PRKDC: variants seen among roughly 807,000 people sequenced by gnomAD.
The protein encoded by PRKDC is protein kinase, DNA-activated, catalytic subunit.
PRKDC carries 82 observed loss-of-function variants against 486.9 expected under a neutral mutation model. The observed-to-expected ratio is 0.17, with a 90% CI of 0.14 to 0.20. PRKDC has a LOEUF of 0.20. Among genes scored for constraint, PRKDC ranks in the 10% least tolerant of loss-of-function variants. PRKDC has a pLI of 1.00. For missense variants in PRKDC, 4,504 were observed against 5,038.2 expected (o/e 0.89, Z 3.21); for synonymous variants, 1,895 against 1,837.0 (o/e 1.03, Z -0.81).
In PRKDC at chr8:47,887,552, C is replaced by G. The variant is rs755644149; in HGVS notation, c.4567G>C (p.Gly1523Arg). 1 of 1,577,814 alleles carries G rather than the reference C, an allele frequency of 6.3e-7. No individual in the cohort carries two copies. The highest frequency in any genetic ancestry group is 1.9e-5 in the Admixed American group (1 of 53,608). The change falls in exon 35 of 86, where the codon GGA becomes CGA. Residue 1523 changes from glycine to arginine, a missense_variant. Transcript: ENST00000314191. ...GLLELAFAFG[G>R]LCERLVSLLL... ...TGCAGAGGCGTTTTTCCTACCAGTCCTCCAAAAGCAAAGGCTAACTCCAGA... is the reference window on the plus strand; with the variant it reads ...TGCAGAGGCGTTTTTCCTACCAGTCGTCCAAAAGCAAAGGCTAACTCCAGA...
At chr8:47,945,638 A>T (rs576660399) in intron 7 of PRKDC, among the ~76,000 whole-genome samples, 8 of 152,188 alleles carry the variant, frequency 5.3e-5, no homozygotes, top group African/African-American at 1.9e-4. Context: ...TATTTTGCTT[A>T]TCCATTCATC....
rs1468566913 is a variant in PRKDC, at chr8:47,863,560, A to G, written c.5589T>C (p.Phe1863=). Residue 1863 remains phenylalanine (F), a synonymous_variant, in exon 42 of 86, where the codon TTT becomes TTC. Coordinates refer to ENST00000314191, the MANE Select transcript of PRKDC (RefSeq NM_006904.7). Reference sequence around the variant, plus strand: ...CCATCTTCTTGGTGATTTGAGTATCAAAGGTAGATTCATTTAGCTTCAAAA... The same window carrying G: ...CCATCTTCTTGGTGATTTGAGTATCGAAGGTAGATTCATTTAGCTTCAAAA... ...SRFTKLNEST[F]DTQITKKMGY... 18 of 1,611,280 alleles carry G rather than the reference A, an allele frequency of 1.1e-5. No individual in the cohort carries two copies. The highest frequency in any genetic ancestry group is 1.7e-5 in the Admixed American group (1 of 59,784).
intron 85 of PRKDC, among the ~76,000 whole-genome samples, chr8:47,776,567 C>CT (rs1199479770): frequency 6.6e-6 from 1 of 152,208 alleles, no homozygotes; most frequent in East Asian, 1.9e-4. Flanking sequence ...TGGCAACTGT[C>CT]TAAGAGTGCA....
intron 54 of PRKDC, among the ~76,000 whole-genome samples, chr8:47,842,634 T>C (rs1218532345): frequency 6.6e-6 from 1 of 152,096 alleles, no homozygotes; most frequent in Non-Finnish European, 1.5e-5. Flanking sequence ...ACACCAGCCC[T>C]CTCAGATGAG....
intron 25 of PRKDC, among the ~76,000 whole-genome samples, chr8:47,908,713 G>C (rs1202003469): frequency 6.6e-6 from 1 of 152,102 alleles, no homozygotes; most frequent in South Asian, 2.1e-4. Context: ...AGGTGAAAGG[G>C]GTGACGTGAA....
chr8:47,931,362 T>C (rs2090248541), intron 16 of PRKDC, among the ~76,000 whole-genome samples: 2 of 151,998 alleles, frequency 1.3e-5, no homozygotes, highest in African/African-American at 2.4e-5. Context: ...CAGGTGGTCA[T>C]TGATCTGTTG....
At chr8:47,883,306 A>T (rs2089261885) in intron 36 of PRKDC, among the ~76,000 whole-genome samples, 1 of 152,174 alleles carries the variant, frequency 6.6e-6, no homozygotes, top group Non-Finnish European at 1.5e-5. Context: ...ATCCTTTCAC[A>T]CATAACTGCT....
chr8:47,952,285 C>CA (rs973943615), intron 7 of PRKDC, among the ~76,000 whole-genome samples: 4 of 149,872 alleles, frequency 2.7e-5, no homozygotes, highest in African/African-American at 4.9e-5. Context: ...ATTCAGCCTT[C>CA]AAAAAAAAAG....
chr8:47,821,912 G>A (rs2087606783), intron 64 of PRKDC, 120 bp from the exon 65 acceptor site: 2 of 969,040 alleles, frequency 2.1e-6, no homozygotes, highest in Admixed American at 6.8e-5. Flanking sequence ...TTTACGGAAA[G>A]GAGAGAGAAA....
chr8:47,902,911 T>A, intron 26 of PRKDC, 116 bp from the exon 27 acceptor site: 3 of 676,396 alleles, frequency 4.4e-6, no homozygotes, highest in Non-Finnish European at 6.6e-6. Context: ...TTTATAGCAC[T>A]AGTCAAGAAA....
intron 76 of PRKDC, 94 bp from the exon 77 acceptor site, chr8:47,785,411 A>G (rs1194500025): frequency 5.1e-6 from 5 of 972,978 alleles, no homozygotes; most frequent in Non-Finnish European, 7.7e-6. Context: ...GGAGTGCTCA[A>G]TGGTATATGT....
chr8:47,861,002 A>C lies in PRKDC; in HGVS notation c.5986-31T>G, dbSNP rs754914571. 4.6e-4 allele frequency: 659 copies of C among 1,424,682 alleles called. 1 individual carries two copies. The highest frequency in any genetic ancestry group is 6.0e-4 in the Non-Finnish European group (626 of 1,043,422). 88.3% of individuals were successfully genotyped at this position (1,424,682 alleles called of 1,614,324 possible). A position where few individuals can be genotyped will look rare whatever the true frequency, so the allele number is the denominator to read the frequency against. On this transcript the variant is annotated intron_variant, in intron 44 of 85. Coordinates refer to ENST00000314191, the MANE Select transcript of PRKDC (RefSeq NM_006904.7). ...GGGAAGAACAAATAAACAATGTAAAACATTTTATAATAATAGTGATACTTT... is the reference window on the plus strand; with the variant it reads ...GGGAAGAACAAATAAACAATGTAAACCATTTTATAATAATAGTGATACTTT...
chr8:47,831,098 G>A (rs983376180), intron 60 of PRKDC, among the ~76,000 whole-genome samples: 1 of 152,190 alleles, frequency 6.6e-6, no homozygotes, highest in Non-Finnish European at 1.5e-5. Context: ...CCTGCCCTCC[G>A]GCTGCCTCTG....
chr8:47,938,334 C>T (rs1052854898), intron 11 of PRKDC, among the ~76,000 whole-genome samples: 1 of 151,440 alleles, frequency 6.6e-6, no homozygotes, highest in Non-Finnish European at 1.5e-5. Context: ...TTGCTTGAAC[C>T]CGGGAGGTGG....
Position 47,788,967 on chromosome 8 carries a change from T to C in PRKDC, c.10841A>G (p.Tyr3614Cys). ...KNIEKMYERM[Y>C]AALGDPKAPG... is the part of the protein sequence containing the mutation. ...AGCCTTTGGGTCACCCAAGGCTGCA[T>C]ACATTCTTTCATACATTTTTTCAAT... The change falls in exon 76 of 86, where the codon TAT becomes TGT. Residue 3614 changes from tyrosine (Y) to cysteine (C), a missense_variant. Physicochemically the swap from Tyr to Cys is radical, Grantham distance 194. Around this residue, in one of 6 missense-constraint regions of PRKDC, gnomAD observed 706 missense variants for 945.0 expected, o/e 0.75. Coordinates refer to ENST00000314191, the MANE Select transcript of PRKDC (RefSeq NM_006904.7). 1.2e-6 allele frequency: 2 copies of C among 1,613,670 alleles called. No individual in the cohort carries two copies. Among genetic ancestry groups the C allele is most frequent in the South Asian group, 1.1e-5 (1 of 90,958 alleles).
Position 47,779,079 on chromosome 8 carries a change from G to A in PRKDC, c.11504C>T (p.Pro3835Leu). The change falls in exon 81 of 86, where the codon CCG (proline) becomes CTG (leucine). Residue 3835 changes from proline (P) to leucine (L), a missense_variant. Pro to Leu is a moderately conservative substitution (Grantham distance 98, BLOSUM62 -3). Around this residue, in one of 6 missense-constraint regions of PRKDC, gnomAD observed 706 missense variants for 945.0 expected, o/e 0.75. Coordinates refer to ENST00000314191, the MANE Select transcript of PRKDC (RefSeq NM_006904.7). ...CAGCCAATCTTTATATTCACACGGC[G>A]GTGCCCTGGGATCACTAATGAGTGA... Reference protein sequence around the residue: ...KAAYLSDPRAPPCEYKDWLTK... With the variant: ...KAAYLSDPRALPCEYKDWLTK... 1 of 1,593,720 alleles carries A rather than the reference G, an allele frequency of 6.3e-7. No homozygotes were observed. Among genetic ancestry groups the A allele is most frequent in the Non-Finnish European group, 8.6e-7 (1 of 1,169,118 alleles).
At chr8:47,864,923 T>C (rs2088772793) in intron 40 of PRKDC, 160 bp from the exon 41 acceptor site, 1 of 576,128 alleles carries the variant, frequency 1.7e-6, no homozygotes, top group East Asian at 3.0e-5. Flanking sequence ...CAAAAAGCAT[T>C]TGCACATGAA....
chr8:47,857,432 G>A (rs1563769935), intron 48 of PRKDC, 133 bp from the exon 49 acceptor site: 4 of 971,858 alleles, frequency 4.1e-6, no homozygotes, highest in East Asian at 2.7e-5. Context: ...AGGTAAGCAC[G>A]TTAAAGTGAA....
At chr8:47,947,929 A>C (rs2090560713) in intron 7 of PRKDC, among the ~76,000 whole-genome samples, 1 of 151,522 alleles carries the variant, frequency 6.6e-6, no homozygotes, top group South Asian at 2.1e-4. Context: ...ATAAAATAAA[A>C]ATTAGCAGGA....
Sources: gnomAD v4.1 joint callset for allele counts (sites outside exome capture counted in the v4.1 genomes callset) on GRCh38, gnomAD v4.1.1 for gene constraint, gnomAD v4.1.1 regional missense constraint, MANE v1.5 for transcripts, NCBI Gene and HGNC (gene_info 2026-07-23, HGNC 2026-07-21) for gene names.